The following CUBN variants were observed in gnomAD, a reference collection of about 807,000 sequenced individuals.
The protein encoded by CUBN is cubilin.
Under a neutral mutation model 405.3 loss-of-function variants are expected in CUBN, and 282 were observed. The observed-to-expected ratio is 0.70, with a 90% confidence interval of 0.63 to 0.77. CUBN has a LOEUF of 0.77. Ranked by LOEUF, CUBN falls within the 30% of genes least tolerant of loss-of-function variation. The pLI, the probability that CUBN is intolerant of heterozygous loss-of-function variation, is 0.00. For missense variants in CUBN, 4,514 were observed against 4,475.2 expected (o/e 1.01, Z -0.25); for synonymous variants, 1,684 against 1,617.0 (o/e 1.04, Z -0.99).
At chr10:16,976,912 G>C (rs1833115943) in intron 31 of CUBN, among the ~76,000 whole-genome samples, 1 of 151,902 alleles carries the variant, frequency 6.6e-6, no homozygotes, top group Non-Finnish European at 1.5e-5. Context: ...TTTGTAGTTG[G>C]GTCTTCTTCA....
intron 43 of CUBN, among the ~76,000 whole-genome samples, chr10:16,922,400 C>A (rs1842059872): frequency 6.6e-6 from 1 of 152,114 alleles, no homozygotes; most frequent in African/African-American, 2.4e-5. Context: ...AATTTTTTCC[C>A]TAAATTACTC....
intron 38 of CUBN, among the ~76,000 whole-genome samples, chr10:16,938,700 GACAT>G (rs1842581058): frequency 6.6e-6 from 1 of 151,956 alleles, no homozygotes; most frequent in Non-Finnish European, 1.5e-5. Context: ...ACTTATTTAG[GACAT>G]ACATGCATGC....
chr10:16,887,408 C>T (rs928729025), intron 56 of CUBN, among the ~76,000 whole-genome samples: 3 of 152,140 alleles, frequency 2.0e-5, no homozygotes, highest in East Asian at 1.9e-4. Context: ...ATTTTAATCA[C>T]GTTTACATTA....
intron 43 of CUBN, 90 bp from the exon 44 acceptor site, chr10:16,920,227 G>T: frequency 7.8e-7 from 1 of 1,283,436 alleles, no homozygotes; most frequent in Non-Finnish European, 1.1e-6. Flanking sequence ...CGACTTCTCT[G>T]TATTTTGTCT....
chr10:16,914,145 T>C (rs564136612), intron 47 of CUBN, among the ~76,000 whole-genome samples, 153 bp from the exon 48 acceptor site: 1 of 152,366 alleles, frequency 6.6e-6, no homozygotes, highest in East Asian at 1.9e-4. Flanking sequence ...TTAGTGAACA[T>C]ATACATTCAT....
At chr10:16,926,226 G>A (rs1286587818) in intron 41 of CUBN, among the ~76,000 whole-genome samples, 1 of 152,130 alleles carries the variant, frequency 6.6e-6, no homozygotes, top group African/African-American at 2.4e-5. Context: ...TAGTTATGGG[G>A]GAGAAAACAT....
At chr10:16,903,606 A>G (rs930999671) in intron 51 of CUBN, among the ~76,000 whole-genome samples, 2 of 148,794 alleles carry the variant, frequency 1.3e-5, no homozygotes, top group Admixed American at 1.3e-4. Flanking sequence ...TATAATAATT[A>G]TGCAAATTAC....
rs952528956 is a variant in CUBN at position 16,945,136 on chromosome 10, T to A, written c.5342+2099A>T. Among the ~76,000 whole-genome samples, 8 of 152,192 alleles carry A rather than the reference T, an allele frequency of 5.3e-5. No homozygotes were observed. The East Asian group carries it at 5.8e-4, about 11-fold the overall frequency. The stretch of plus-strand genomic sequence containing the variant: ...TATCTGTCTTGAACACCTAGCTCAG[T>A]TCCTGGCAACCACTGAATGAGAGCA... On this transcript the variant is annotated intron_variant, in intron 36 of 66. Transcript: ENST00000377833.
At chr10:17,051,389 T>G (rs1449367984) in intron 22 of CUBN, among the ~76,000 whole-genome samples, 1 of 151,592 alleles carries the variant, frequency 6.6e-6, no homozygotes, top group Non-Finnish European at 1.5e-5. Context: ...TGAGAAAATA[T>G]GAATCAAATC....
intron 27 of CUBN, among the ~76,000 whole-genome samples, chr10:17,035,345 T>G (rs986802778): frequency 6.6e-6 from 1 of 152,000 alleles, no homozygotes; most frequent in African/African-American, 2.4e-5. Flanking sequence ...TTAGAAAAAA[T>G]GTCTAATTTT....
chr10:17,060,192 T>C (rs370283614), intron 22 of CUBN, among the ~76,000 whole-genome samples: 109 of 152,000 alleles, frequency 7.2e-4, no homozygotes, highest in African/African-American at 2.5e-3. Flanking sequence ...TGCGATTTTC[T>C]CTCACCGCAA....
At chr10:17,044,975 A>C in intron 25 of CUBN, 32 bp downstream of exon 25, 1 of 1,599,334 alleles carries the variant, frequency 6.3e-7, no homozygotes, top group Non-Finnish European at 8.6e-7. Flanking sequence ...AGATGGGAGC[A>C]GGGAACAATA....
intron 43 of CUBN, among the ~76,000 whole-genome samples, chr10:16,924,264 G>A (rs1198142308): frequency 2.0e-5 from 3 of 152,124 alleles, no homozygotes; most frequent in African/African-American, 7.2e-5. Context: ...GGGATGAGAA[G>A]GTCCCAGCTT....
chr10:16,870,942 G>A (rs1310759379), intron 58 of CUBN, among the ~76,000 whole-genome samples: 1 of 152,064 alleles, frequency 6.6e-6, no homozygotes, highest in African/African-American at 2.4e-5. Flanking sequence ...TTAGAGTTTT[G>A]TGGTGGGTTT....
chr10:16,869,618 CAAGTCCAG>C lies in CUBN; in HGVS notation c.9454+10_9454+17del. On this transcript the variant is annotated intron_variant, in intron 59 of 66. Transcript: ENST00000377833. ...GTAACAGTCCTGACAAATAGATTTACAAGTCCAGAATTCTTACCCAATGTCTGCCGGAA... is the reference window on the plus strand; with the variant it reads ...GTAACAGTCCTGACAAATAGATTTACAATTCTTACCCAATGTCTGCCGGAA... The C allele has an allele frequency of 6.4e-7, 1 of 1,561,462 alleles. No homozygotes were observed. Among genetic ancestry groups the C allele is most frequent in the Non-Finnish European group, 8.8e-7 (1 of 1,135,118 alleles).
chr10:17,100,303 C>G, intron 13 of CUBN, 64 bp from the exon 14 acceptor site: 2 of 1,120,908 alleles, frequency 1.8e-6, no homozygotes, highest in Non-Finnish European at 2.7e-6. Flanking sequence ...GTATTTCTCC[C>G]ACTTCCTAGG....
At chr10:17,071,312 A>T (rs1011941630) in intron 19 of CUBN, 114 bp downstream of exon 19, 1 of 1,059,874 alleles carries the variant, frequency 9.4e-7, no homozygotes, top group Non-Finnish European at 1.4e-6. Context: ...TCCATAAGAC[A>T]TATTGGTCTA....
intron 10 of CUBN, among the ~76,000 whole-genome samples, chr10:17,106,226 A>C (rs1278225520): frequency 6.6e-6 from 1 of 152,130 alleles, no homozygotes; most frequent in Non-Finnish European, 1.5e-5. Flanking sequence ...CAGAGGTTGT[A>C]GTGAGCTGAG....
intron 51 of CUBN, among the ~76,000 whole-genome samples, 189 bp from the exon 52 acceptor site, chr10:16,901,648 G>A (rs1176442538): frequency 6.6e-6 from 1 of 151,920 alleles, no homozygotes; most frequent in Non-Finnish European, 1.5e-5. Context: ...GAGGTCAGGA[G>A]CTCAAGACCA....
Sources: allele counts gnomAD v4.1 joint callset (sites outside exome capture counted in the v4.1 genomes callset), GRCh38; gene constraint gnomAD v4.1.1; transcripts MANE v1.5; gene names NCBI Gene and HGNC (gene_info 2026-07-23, HGNC 2026-07-21).